The following LRRIQ1 variants were observed in gnomAD, a reference collection of about 807,000 sequenced individuals.
The protein encoded by LRRIQ1 is leucine-rich repeat- and IQ domain-containing protein 1.
LRRIQ1 carries 210 observed loss-of-function variants against 211.9 expected under a neutral mutation model. The observed-to-expected ratio is 0.99, with a 90% CI of 0.89 to 1.11. The LOEUF is 1.11. LRRIQ1 is among the 50% of genes most tolerant of loss of function. The probability of loss-of-function intolerance (pLI) is 0.00; values close to 1 mark genes in which losing one functional copy is unlikely to be tolerated. For missense variants in LRRIQ1, 2,136 were observed against 1,939.5 expected (o/e 1.10, Z -1.90); for synonymous variants, 699 against 650.1 (o/e 1.08, Z -1.14).
At chr12:85,111,982 T>C (rs1887211628) in intron 15 of LRRIQ1, among the ~76,000 whole-genome samples, 1 of 151,276 alleles carries the variant, frequency 6.6e-6, no homozygotes, top group Admixed American at 6.6e-5. Flanking sequence ...TCTCTCTCAA[T>C]TCTTTCATTT....
In LRRIQ1 at chr12:85,056,868, C is replaced by T; in HGVS notation, c.2075C>T (p.Ala692Val). The T allele has an allele frequency of 6.2e-7, 1 of 1,613,354 alleles. No individual in the cohort carries two copies. The highest frequency in any genetic ancestry group is 8.5e-7 in the Non-Finnish European group (1 of 1,179,590). The change falls in exon 8 of 27, where the codon GCA becomes GTA. Residue 692 changes from alanine (A) to valine (V), a missense_variant. Physicochemically the swap from Ala to Val is moderately conservative, Grantham distance 64 (BLOSUM62 0). Coordinates refer to ENST00000393217, the MANE Select transcript of LRRIQ1 (RefSeq NM_001079910.2). Reference sequence around the variant, plus strand: ...TGTGAGGGCTTGAGTAACTATAATGCAGAAAGCTCCATGGTATCTAAAGAA... The same window carrying T: ...TGTGAGGGCTTGAGTAACTATAATGTAGAAAGCTCCATGGTATCTAAAGAA... ...APCEGLSNYNAESSMVSKEVN... is the reference protein window; with the variant it reads ...APCEGLSNYNVESSMVSKEVN...
intron 24 of LRRIQ1, among the ~76,000 whole-genome samples, chr12:85,218,377 T>G (rs1453334977): frequency 6.6e-6 from 1 of 152,046 alleles, no homozygotes; most frequent in Non-Finnish European, 1.5e-5. Flanking sequence ...ATTAAGGCTA[T>G]GCATGATGGA....
intron 1 of LRRIQ1, among the ~76,000 whole-genome samples, chr12:85,250,903 TATATA>T (rs1895909900): frequency 2.1e-5 from 2 of 93,382 alleles, no homozygotes; most frequent in South Asian, 5.1e-4. Flanking sequence ...TTTTATATAT[TATATA>T]TAATATATTT....
chr12:85,099,304 G>C (rs1054155391), intron 13 of LRRIQ1, among the ~76,000 whole-genome samples: 9 of 151,688 alleles, frequency 5.9e-5, no homozygotes, highest in Admixed American at 4.0e-4. Flanking sequence ...CATAGTCCTT[G>C]GAAAATACAG....
chr12:85,196,296 T>A (rs1458027208), intron 24 of LRRIQ1, among the ~76,000 whole-genome samples: 1 of 152,104 alleles, frequency 6.6e-6, no homozygotes, highest in Non-Finnish European at 1.5e-5. Flanking sequence ...AAGCTACCAA[T>A]GACTTTCTTC....
downstream of LRRIQ1, among the ~76,000 whole-genome samples, chr12:85,249,610 G>A (rs1326660546): frequency 1.3e-5 from 2 of 151,852 alleles, no homozygotes; most frequent in Non-Finnish European, 2.9e-5. Context: ...TGAATTATAT[G>A]TGCCTAGCAC....
intron 11 of LRRIQ1, among the ~76,000 whole-genome samples, chr12:85,086,912 C>T (rs949252094): frequency 2.6e-4 from 39 of 149,404 alleles, no homozygotes; most frequent in Non-Finnish European, 3.7e-4. Flanking sequence ...TTGCATTCAA[C>T]GATTGAATCT....
At chr12:85,264,794 A>G (rs1003108840), downstream of LRRIQ1, among the ~76,000 whole-genome samples, 2 of 152,060 alleles carry the variant, frequency 1.3e-5, no homozygotes, top group South Asian at 2.1e-4. Context: ...CAATGTTACT[A>G]TTCAAACATG....
chr12:85,063,079 T>C (rs1882028200), intron 8 of LRRIQ1, among the ~76,000 whole-genome samples: 1 of 151,856 alleles, frequency 6.6e-6, no homozygotes, highest in East Asian at 1.9e-4. Flanking sequence ...TTTAAGTTCC[T>C]TGTAGATGCT....
At chr12:85,203,767 G>A (rs943927708) in intron 24 of LRRIQ1, among the ~76,000 whole-genome samples, 6 of 152,084 alleles carry the variant, frequency 3.9e-5, no homozygotes, top group East Asian at 3.9e-4. Flanking sequence ...GCGGTGACTC[G>A]GGTGCTGTAA....
rs539974815 is a variant in LRRIQ1 at position 85,109,668 on chromosome 12, C to T, written c.3377+3053C>T. Among the ~76,000 whole-genome samples, 9 of 152,214 alleles carry T rather than the reference C, an allele frequency of 5.9e-5. 1 individual carries two copies. In the East Asian group the frequency reaches 1.5e-3, roughly 26 times the overall value. On this transcript the variant is annotated intron_variant, in intron 15 of 26. Coordinates refer to ENST00000393217, the MANE Select transcript of LRRIQ1 (RefSeq NM_001079910.2). ...AGCAGAAATGCAGTATTTTTGACAC[C>T]ATCCAAGCCTACTGAATCAGAAACC... is the stretch of plus-strand genomic sequence containing the variant.
At chr12:85,131,712 G>A (rs1487278073) in intron 18 of LRRIQ1, among the ~76,000 whole-genome samples, 1 of 152,060 alleles carries the variant, frequency 6.6e-6, no homozygotes, top group Non-Finnish European at 1.5e-5. Context: ...GTTTCAACAA[G>A]GAGCAAGTAT....
At chr12:85,147,877 C>CT (rs1889991376) in intron 19 of LRRIQ1, among the ~76,000 whole-genome samples, 1 of 151,680 alleles carries the variant, frequency 6.6e-6, no homozygotes, top group African/African-American at 2.4e-5. Flanking sequence ...CACAAGAACT[C>CT]TAAGTGCCAG....
intron 8 of LRRIQ1, among the ~76,000 whole-genome samples, chr12:85,059,962 C>A (rs1230224435): frequency 6.6e-6 from 1 of 151,942 alleles, no homozygotes. Flanking sequence ...TGTAAAATTA[C>A]TGAAGTGTAG....
chr12:85,199,633 G>T (rs1005070966), intron 24 of LRRIQ1, among the ~76,000 whole-genome samples: 1 of 152,154 alleles, frequency 6.6e-6, no homozygotes, highest in African/African-American at 2.4e-5. Context: ...ATTGCTGGGG[G>T]AGGCCTCAGG....
chr12:85,061,459 G>GTAAATACCA (rs1299958317), intron 8 of LRRIQ1, among the ~76,000 whole-genome samples: 1 of 151,628 alleles, frequency 6.6e-6, no homozygotes. Context: ...ATATTCAAAA[G>GTAAATACCA]TAAATACCAC....
At chr12:85,232,786 A>AG in intron 26 of LRRIQ1, 30 bp downstream of exon 26, 1 of 1,542,586 alleles carries the variant, frequency 6.5e-7, no homozygotes, top group Non-Finnish European at 9.0e-7. Context: ...TTACAGAAAA[A>AG]TGTTGTAGAC....
intron 22 of LRRIQ1, 103 bp from the exon 23 acceptor site, chr12:85,153,909 T>A: frequency 1.0e-6 from 1 of 956,198 alleles, no homozygotes; most frequent in Non-Finnish European, 1.5e-6. Flanking sequence ...TTCACATTTA[T>A]TTTAGTATGC....
At chr12:85,163,025 A>T (rs1042495331) in intron 24 of LRRIQ1, among the ~76,000 whole-genome samples, 2 of 152,164 alleles carry the variant, frequency 1.3e-5, no homozygotes, top group African/African-American at 4.8e-5. Flanking sequence ...ATTGCTGGCC[A>T]AGTTGAACCC....
Sources: allele counts gnomAD v4.1 joint callset (sites outside exome capture counted in the v4.1 genomes callset), GRCh38; gene constraint gnomAD v4.1.1; transcripts MANE v1.5; gene names NCBI Gene and HGNC (gene_info 2026-07-23, HGNC 2026-07-21).